TAF1A: variants seen among roughly 807,000 people sequenced by gnomAD.
TAF1A encodes TATA box-binding protein-associated factor RNA polymerase I subunit A.
In TAF1A, 42 loss-of-function variants were observed where a neutral mutation model predicts 61.6. The ratio of observed to expected loss-of-function variants is 0.68; its 90% confidence interval spans 0.53 to 0.88. The LOEUF is 0.88. Ranked by LOEUF, TAF1A falls within the 40% of genes least tolerant of loss-of-function variation. The pLI is 0.00. For missense variants in TAF1A, 424 were observed against 518.7 expected (o/e 0.82, Z 1.77); for synonymous variants, 179 against 177.7 (o/e 1.01, Z -0.06).
At chr1:222,579,626 A>C in intron 4 of TAF1A, 133 bp downstream of exon 4, 1 of 1,092,758 alleles carries the variant, frequency 9.2e-7, no homozygotes, top group Non-Finnish European at 1.3e-6. Context: ...CTTTTCTTTC[A>C]GTTTCTCTTA....
At chr1:222,575,409 G>C (rs1660528734) in intron 5 of TAF1A, among the ~76,000 whole-genome samples, 1 of 152,056 alleles carries the variant, frequency 6.6e-6, no homozygotes, top group South Asian at 2.1e-4. Flanking sequence ...TTGGGAGGCT[G>C]AGGTGGGAGG....
rs976973544 is a variant in TAF1A, at chr1:222,577,655, A to G, written c.406-12T>C. The G allele has an allele frequency of 1.9e-6, 3 of 1,611,056 alleles. No homozygotes were observed. The African/African-American group carries it at 4.0e-5, about 22-fold the overall frequency. On this transcript the variant is annotated splice_polypyrimidine_tract_variant and intron_variant, in intron 4 of 10. Coordinates refer to ENST00000352967, the MANE Select transcript of TAF1A (RefSeq NM_005681.4). ...TGTTGTAAGGAGATCTGCAAAAATAATAAGGGTACACCGCCATTTAAGCCA... is the reference window on the plus strand; with the variant it reads ...TGTTGTAAGGAGATCTGCAAAAATAGTAAGGGTACACCGCCATTTAAGCCA...
At chr1:222,580,181 A>T (rs1042538673) in intron 3 of TAF1A, among the ~76,000 whole-genome samples, 1 of 152,196 alleles carries the variant, frequency 6.6e-6, no homozygotes, top group East Asian at 1.9e-4. Context: ...TTGGTATGGA[A>T]GGAAGAATAT....
intron 5 of TAF1A, among the ~76,000 whole-genome samples, chr1:222,574,852 C>G (rs996811657): frequency 3.9e-5 from 6 of 151,958 alleles, no homozygotes; most frequent in African/African-American, 1.5e-4. Flanking sequence ...TAACATAAGT[C>G]AGGACAGGGA....
At chr1:222,566,738 C>G (rs1406854292) in intron 7 of TAF1A, among the ~76,000 whole-genome samples, 2 of 152,106 alleles carry the variant, frequency 1.3e-5, no homozygotes, top group African/African-American at 4.8e-5. Flanking sequence ...TAACAGGTCA[C>G]AAACAGATAC....
Position 222,577,342 on chromosome 1 carries a change from A to G in TAF1A, c.604+103T>C, listed in dbSNP as rs2102665900. ...TAAATCCATAAAAAGTCTGTTCTCC[A>G]TAATATCTGGATGAAGTCAATAGGG... On this transcript the variant is annotated intron_variant, in intron 5 of 10. Coordinates refer to ENST00000352967, the MANE Select transcript of TAF1A (RefSeq NM_005681.4). 16 of 885,624 alleles carry G rather than the reference A, an allele frequency of 1.8e-5. 1 individual carries two copies. The highest frequency in any genetic ancestry group is 2.8e-5 in the Non-Finnish European group (16 of 574,756). 54.9% of individuals were successfully genotyped at this position (885,624 alleles called of 1,614,324 possible).
intron 7 of TAF1A, 21 bp downstream of exon 7, chr1:222,569,489 A>G (rs754908691): frequency 6.2e-7 from 1 of 1,613,500 alleles, no homozygotes; most frequent in South Asian, 1.1e-5. Flanking sequence ...CTGGTCAAAC[A>G]TCGAGATAAA....
chr1:222,586,152 T>C (rs1393197757), intron 2 of TAF1A, among the ~76,000 whole-genome samples: 1 of 152,100 alleles, frequency 6.6e-6, no homozygotes, highest in Non-Finnish European at 1.5e-5. Flanking sequence ...GCAGCAGAAG[T>C]ATCACCTGGA....
Position 222,569,546 on chromosome 1 carries a change from C to T in TAF1A, c.858G>A (p.Gln286=). The T allele has an allele frequency of 1.2e-6, 2 of 1,614,000 alleles. No homozygotes were observed. Among genetic ancestry groups the T allele is most frequent in the South Asian group, 2.2e-5 (2 of 91,058 alleles). Residue 286 remains glutamine (Q), a synonymous_variant, in exon 7 of 11, where the codon CAG becomes CAA. Coordinates refer to ENST00000352967, the MANE Select transcript of TAF1A (RefSeq NM_005681.4). The stretch of plus-strand genomic sequence containing the variant: ...TTATCAATTTTGATCTTGGTGCCTT[C>T]TGTCTCTTTAGAAAGTTGTATAAGT... ...HIYLYNFLKR[Q]KAPRSKLISV...
intron 2 of TAF1A, among the ~76,000 whole-genome samples, chr1:222,585,964 T>A (rs1261644261): frequency 6.6e-6 from 1 of 152,140 alleles, no homozygotes; most frequent in Non-Finnish European, 1.5e-5. Context: ...TACAATAAAA[T>A]TTTTTCAGAT....
At chr1:222,565,233 A>G (rs1660069488) in intron 7 of TAF1A, among the ~76,000 whole-genome samples, 1 of 152,198 alleles carries the variant, frequency 6.6e-6, no homozygotes. Context: ...TAGGACTCCA[A>G]TGACAGGTAT....
At chr1:222,561,636 T>C in intron 9 of TAF1A, 118 bp from the exon 10 acceptor site, 1 of 1,036,290 alleles carries the variant, frequency 9.6e-7, no homozygotes. Context: ...CCAAGCTAAA[T>C]TCTCAATATG....
chr1:222,561,590 A>C, intron 9 of TAF1A, 72 bp from the exon 10 acceptor site: 2 of 1,375,456 alleles, frequency 1.5e-6, no homozygotes, highest in South Asian at 3.2e-5. Context: ...TTTAGACTTA[A>C]CTAGAGTCTA....
intron 10 of TAF1A, 30 bp from the exon 11 acceptor site, chr1:222,558,802 A>C: frequency 8.9e-7 from 1 of 1,122,024 alleles, no homozygotes; most frequent in Non-Finnish European, 1.3e-6. Flanking sequence ...AAAAAGTTTT[A>C]ATACTCATCA....
intron 5 of TAF1A, 123 bp downstream of exon 5, chr1:222,577,322 C>T: frequency 2.8e-6 from 2 of 710,846 alleles, no homozygotes; most frequent in Non-Finnish European, 4.6e-6. Flanking sequence ...AATTTTAAAT[C>T]CATAAAAAGT....
intron 3 of TAF1A, among the ~76,000 whole-genome samples, chr1:222,583,574 T>C (rs1027415757): frequency 6.6e-6 from 1 of 152,126 alleles, no homozygotes; most frequent in Non-Finnish European, 1.5e-5. Context: ...GCATGGTGGC[T>C]CACACCTGTA....
At chr1:222,581,665 T>C (rs184029558) in intron 3 of TAF1A, among the ~76,000 whole-genome samples, 4 of 152,232 alleles carry the variant, frequency 2.6e-5, no homozygotes, top group Admixed American at 6.5e-5. Context: ...AGTAAGGCAA[T>C]TGCAATTTTA....
At chr1:222,555,001 C>T (rs1435473563), downstream of TAF1A, among the ~76,000 whole-genome samples, 1 of 152,158 alleles carries the variant, frequency 6.6e-6, no homozygotes, top group Non-Finnish European at 1.5e-5. Flanking sequence ...CCTACATAGA[C>T]ACTTCTCAAA....
rs1052469239 is a variant in TAF1A at position 222,569,331 on chromosome 1, T to C, written c.894+179A>G. ...TCAGTCTCATCCGGGCAGCAGGGGA[T>C]AGTGTGGATGATACATACATGGAGA... On this transcript the variant is annotated intron_variant, in intron 7 of 10. Coordinates refer to ENST00000352967, the MANE Select transcript of TAF1A (RefSeq NM_005681.4). 1.4e-5 allele frequency: 21 copies of C among 1,525,746 alleles called. No individual in the cohort carries two copies. In the African/African-American group the frequency reaches 2.5e-4, roughly 18 times the overall value. The allele number at this position is 1,525,746 out of a possible 1,614,324, so 94.5% of individuals were successfully genotyped here.
Sources: allele counts gnomAD v4.1 joint callset (sites outside exome capture counted in the v4.1 genomes callset), GRCh38; gene constraint gnomAD v4.1.1; transcripts MANE v1.5; gene names NCBI Gene and HGNC (gene_info 2026-07-23, HGNC 2026-07-21).